Variants in PPM1L observed in about 807,000 individuals in gnomAD.
PPM1L encodes the protein protein phosphatase 1L.
A neutral mutation model predicts 31.4 loss-of-function variants in PPM1L; 13 were observed. That is an observed-to-expected ratio of 0.41 (90% CI 0.27 to 0.66). The LOEUF (loss-of-function observed/expected upper bound fraction) is 0.66, where lower values mean the gene tolerates loss of function less well. Ranked by LOEUF, PPM1L falls within the 30% of genes least tolerant of loss-of-function variation. The probability of loss-of-function intolerance (pLI) is 0.29; values close to 1 mark genes in which losing one functional copy is unlikely to be tolerated. For missense variants in PPM1L, 326 were observed against 453.7 expected (o/e 0.72, Z 2.56); for synonymous variants, 184 against 175.4 (o/e 1.05, Z -0.39).
intron 2 of PPM1L, among the ~76,000 whole-genome samples, chr3:161,006,424 C>A (rs984759357): frequency 5.9e-5 from 9 of 152,096 alleles, no homozygotes; most frequent in African/African-American, 2.2e-4. Context: ...TTCTAAAGAT[C>A]TGTTATACAA....
intron 1 of PPM1L, among the ~76,000 whole-genome samples, chr3:160,803,610 G>A (rs546034279): frequency 1.3e-4 from 19 of 151,798 alleles, no homozygotes; most frequent in African/African-American, 4.6e-4. Context: ...ACAATGAAAA[G>A]TGTTCATACT....
At chr3:160,890,360 G>A (rs1468052062) in intron 1 of PPM1L, among the ~76,000 whole-genome samples, 3 of 152,022 alleles carry the variant, frequency 2.0e-5, no homozygotes, top group African/African-American at 7.2e-5. Context: ...GACAAGCAGC[G>A]AGCCAAATCA....
At chr3:160,761,333 T>G (rs1323568509) in intron 1 of PPM1L, among the ~76,000 whole-genome samples, 1 of 152,208 alleles carries the variant, frequency 6.6e-6, no homozygotes, top group African/African-American at 2.4e-5. Flanking sequence ...TTGTTTGCTG[T>G]CATTTGCCTG....
chr3:161,058,355 C>T (rs899917331), intron 2 of PPM1L, among the ~76,000 whole-genome samples: 1 of 151,644 alleles, frequency 6.6e-6, no homozygotes, highest in Admixed American at 6.6e-5. Context: ...GAACTCCTAA[C>T]CTCAGGTAAT....
chr3:160,885,531 C>T (rs1712884301), intron 1 of PPM1L, among the ~76,000 whole-genome samples: 1 of 152,234 alleles, frequency 6.6e-6, no homozygotes, highest in Admixed American at 6.5e-5. Context: ...TCCAGGTTCT[C>T]TCATCAGAAC....
chr3:160,900,696 T>G (rs947190155), intron 1 of PPM1L, among the ~76,000 whole-genome samples: 4 of 152,142 alleles, frequency 2.6e-5, no homozygotes, highest in African/African-American at 9.7e-5. Flanking sequence ...ATTACATGTA[T>G]TTAACTTTGA....
chr3:161,028,658 T>A (rs1379031129), intron 2 of PPM1L, among the ~76,000 whole-genome samples: 2 of 152,114 alleles, frequency 1.3e-5, no homozygotes, highest in East Asian at 3.9e-4. Flanking sequence ...CAAGGCAGAA[T>A]CAAATTACTA....
rs188955069 is a variant in PPM1L, at chr3:161,065,355, T to C, written c.575-48T>C. The stretch of plus-strand genomic sequence containing the variant: ...AGTTACCACAAGAAGCAATGGAACC[T>C]GAATGCACTGCTGACCTCCCGCGTT... On this transcript the variant is annotated intron_variant, in intron 2 of 3. Coordinates refer to ENST00000498165, the MANE Select transcript of PPM1L (RefSeq NM_139245.4). The C allele has an allele frequency of 2.9e-3, 4,601 of 1,579,072 alleles. 26 individuals are homozygous for C. The highest frequency in any genetic ancestry group is 9.7e-3 in the South Asian group (859 of 88,722).
chr3:160,814,524 C>T (rs1272784213), intron 1 of PPM1L, among the ~76,000 whole-genome samples: 1 of 99,098 alleles, frequency 1.0e-5, no homozygotes, highest in African/African-American at 4.4e-5. Context: ...TATATACACA[C>T]ACATATGTAT....
intron 2 of PPM1L, among the ~76,000 whole-genome samples, chr3:161,001,132 GT>G (rs1448253421): frequency 6.6e-6 from 1 of 152,086 alleles, no homozygotes; most frequent in Non-Finnish European, 1.5e-5. Flanking sequence ...GTTTCTGTCA[GT>G]TATTCTGTTC....
In PPM1L at chr3:161,065,094, C is replaced by T. The variant is rs559884068; in HGVS notation, c.575-309C>T. Among the ~76,000 whole-genome samples, 66 of 152,132 alleles carry T rather than the reference C, an allele frequency of 4.3e-4. No individual in the cohort carries two copies. The South Asian group carries it at 0.012, about 27-fold the overall frequency. ...TGTATCAGTTGACTGAAACTTCAAACGATTTTGTTTCTCTCCTAATCCTTT... is the reference window on the plus strand; with the variant it reads ...TGTATCAGTTGACTGAAACTTCAAATGATTTTGTTTCTCTCCTAATCCTTT... On this transcript the variant is annotated intron_variant, in intron 2 of 3. Transcript: ENST00000498165.
At chr3:160,976,573 A>C (rs1407298592) in intron 2 of PPM1L, among the ~76,000 whole-genome samples, 7 of 151,304 alleles carry the variant, frequency 4.6e-5, no homozygotes, top group African/African-American at 1.5e-4. Flanking sequence ...GTCTATTCAG[A>C]GATTCAACTT....
chr3:160,870,256 C>T lies in PPM1L; in HGVS notation c.400-91480C>T, dbSNP rs1052419541. Among the ~76,000 whole-genome samples, 8 of 152,178 alleles carry T rather than the reference C, an allele frequency of 5.3e-5. No homozygotes were observed. In the South Asian group the frequency reaches 6.2e-4, roughly 12 times the overall value. ...TCACCACTATGACAAAGTTGTCCCACCCACTCTCCGGAAAAGAGTTAATGT... is the reference window on the plus strand; with the variant it reads ...TCACCACTATGACAAAGTTGTCCCATCCACTCTCCGGAAAAGAGTTAATGT... On this transcript the variant is annotated intron_variant, in intron 1 of 3. Transcript: ENST00000498165.
intron 1 of PPM1L, among the ~76,000 whole-genome samples, chr3:160,798,275 T>G (rs571864653): frequency 6.6e-6 from 1 of 152,300 alleles, no homozygotes; most frequent in African/African-American, 2.4e-5. Context: ...CTACACTAAA[T>G]AACAGATTTT....
intron 1 of PPM1L, among the ~76,000 whole-genome samples, chr3:160,778,039 AT>A (rs1458685934): frequency 6.6e-6 from 1 of 152,040 alleles, no homozygotes; most frequent in African/African-American, 2.4e-5. Context: ...ATATTTTATA[AT>A]ATTTGGGGAG....
chr3:160,940,237 G>C (rs1296988507), intron 1 of PPM1L, among the ~76,000 whole-genome samples: 2 of 152,160 alleles, frequency 1.3e-5, no homozygotes, highest in African/African-American at 4.8e-5. Context: ...GGGAAGCAGA[G>C]CACAAGCATT....
intron 1 of PPM1L, among the ~76,000 whole-genome samples, chr3:160,877,736 G>C (rs1712566725): frequency 6.6e-6 from 1 of 152,068 alleles, no homozygotes; most frequent in African/African-American, 2.4e-5. Context: ...ATGTACGTAG[G>C]GTCCAAAGAT....
chr3:161,013,969 T>A (rs1160244850), intron 2 of PPM1L, among the ~76,000 whole-genome samples: 1 of 152,338 alleles, frequency 6.6e-6, no homozygotes, highest in East Asian at 1.9e-4. Flanking sequence ...ATCTTGACTC[T>A]TTATCCAATT....
At chr3:160,935,426 A>G (rs966209115) in intron 1 of PPM1L, among the ~76,000 whole-genome samples, 1 of 152,198 alleles carries the variant, frequency 6.6e-6, no homozygotes, top group Non-Finnish European at 1.5e-5. Context: ...CTGTATGTGT[A>G]TATAAATGCC....
Sources: gnomAD v4.1 joint callset for allele counts (sites outside exome capture counted in the v4.1 genomes callset) on GRCh38, gnomAD v4.1.1 for gene constraint, MANE v1.5 for transcripts, NCBI Gene and HGNC (gene_info 2026-07-23, HGNC 2026-07-21) for gene names.